SOX5: variants seen among roughly 807,000 people sequenced by gnomAD.
SOX5 encodes transcription factor SOX-5.
In SOX5, 9 loss-of-function variants were observed where a neutral mutation model predicts 92.0. That is an observed-to-expected ratio of 0.10 (90% CI 0.06 to 0.17). SOX5 has a LOEUF of 0.17. Among genes scored for constraint, SOX5 ranks in the 10% least tolerant of loss-of-function variants. The pLI, the probability that SOX5 is intolerant of heterozygous loss-of-function variation, is 1.00. For missense variants in SOX5, 642 were observed against 944.5 expected (o/e 0.68, Z 4.20); for synonymous variants, 344 against 336.3 (o/e 1.02, Z -0.25).
At position 24,103,089 on chromosome 12, in the gene SOX5, G is replaced by A. The variant is rs142811825; in HGVS notation, c.-2+110254C>T. 3.0e-3 allele frequency among the ~76,000 whole-genome samples: 453 copies of A among 152,296 alleles called. 1 individual carries two copies. In the Middle Eastern group the frequency reaches 0.037, roughly 13 times the overall value. On this transcript the variant is annotated intron_variant, in intron 4 of 4. Transcript: ENST00000446891. ...TGAACCCACTGAGAGGCTTCTTTGA[G>A]AATCCATAATAGATACACACTGTTA... is the stretch of plus-strand genomic sequence containing the variant.
chr12:24,357,127 A>G (rs1954931179), intron 2 of SOX5, among the ~76,000 whole-genome samples: 1 of 152,208 alleles, frequency 6.6e-6, no homozygotes, highest in South Asian at 2.1e-4. Context: ...TTTGGTGTGG[A>G]TTACATTTTG....
intron 2 of SOX5, among the ~76,000 whole-genome samples, chr12:23,895,060 G>C (rs542406273): frequency 9.9e-5 from 15 of 152,114 alleles, no homozygotes; most frequent in Non-Finnish European, 1.9e-4. Flanking sequence ...GTGTTTATGT[G>C]TGCTGTTTAA....
At position 24,379,832 on chromosome 12, in the gene SOX5, T is replaced by TAA. The variant is rs35373420; in HGVS notation, c.-250-11195_-250-11194dup. On this transcript the variant is annotated intron_variant, in intron 1 of 4. Transcript: ENST00000446891. ...TCCTCAAATCGGATTTTTACCACTT[T>TAA]AAAAAAAAAAAAGAGTCCTAATTAT... Among the ~76,000 whole-genome samples the TAA allele has an allele frequency of 9.0e-3, 1,261 of 140,704 alleles. 22 individuals are homozygous for TAA. The highest frequency in any genetic ancestry group is 0.019 in the African/African-American group (714 of 37,956). The allele number at this position is 140,704 out of a possible 152,430, so 92.3% of individuals were successfully genotyped here.
At chr12:24,139,722 T>C (rs1170359669) in intron 4 of SOX5, among the ~76,000 whole-genome samples, 2 of 152,186 alleles carry the variant, frequency 1.3e-5, no homozygotes, top group East Asian at 1.9e-4. Flanking sequence ...ATTTAAAAAT[T>C]GGAGCATTTT....
chr12:24,324,085 G>GT (rs1950454846), intron 2 of SOX5, among the ~76,000 whole-genome samples: 1 of 152,152 alleles, frequency 6.6e-6, no homozygotes, highest in Non-Finnish European at 1.5e-5. Flanking sequence ...CTGCTAAGAA[G>GT]TAGAAAGGAA....
chr12:23,771,963 T>C (rs1450979169), intron 3 of SOX5, among the ~76,000 whole-genome samples: 2 of 152,212 alleles, frequency 1.3e-5, no homozygotes, highest in African/African-American at 2.4e-5. Context: ...GGTGCTCATA[T>C]AAATTCATAG....
chr12:23,589,989 AGTATGT>A lies in SOX5; in HGVS notation c.1165-14157_1165-14152del, dbSNP rs149042366. ...AAGTGTGCTTTGATACTATTCAAGG[AGTATGT>A]GTTTGTGCAGTGGGGTGACATACAA... On this transcript the variant is annotated intron_variant, in intron 9 of 14. Transcript: ENST00000451604. 5.7e-3 allele frequency among the ~76,000 whole-genome samples: 865 copies of A among 152,126 alleles called. 4 individuals are homozygous for A. The highest frequency in any genetic ancestry group is 8.2e-3 in the Non-Finnish European group (556 of 67,892).
At chr12:24,495,096 A>C (rs372117263) in intron 1 of SOX5, among the ~76,000 whole-genome samples, 77 of 152,342 alleles carry the variant, frequency 5.1e-4, no homozygotes, top group African/African-American at 1.8e-3. Context: ...TTTTCAATGA[A>C]CCATTGTCAA....
chr12:24,467,713 T>C (rs551740354), intron 1 of SOX5, among the ~76,000 whole-genome samples: 24 of 152,224 alleles, frequency 1.6e-4, no homozygotes, highest in African/African-American at 5.8e-4. Flanking sequence ...GGAAGAGATA[T>C]ATGGTCAGAT....
At chr12:23,888,810 A>C (rs2097098677) in intron 2 of SOX5, among the ~76,000 whole-genome samples, 1 of 152,248 alleles carries the variant, frequency 6.6e-6, no homozygotes, top group African/African-American at 2.4e-5. Context: ...GTTTGTAACA[A>C]TGTAATTTCA....
chr12:23,534,828 G>T (rs1050466910), intron 14 of SOX5, among the ~76,000 whole-genome samples: 1 of 150,444 alleles, frequency 6.6e-6, no homozygotes, highest in African/African-American at 2.4e-5. Context: ...TCCTGCCTCA[G>T]CCCCCCAAGT....
chr12:24,150,193 GT>G (rs1951515398), intron 4 of SOX5, among the ~76,000 whole-genome samples: 1 of 152,160 alleles, frequency 6.6e-6, no homozygotes, highest in East Asian at 1.9e-4. Flanking sequence ...TATATGATTT[GT>G]TTTTCTCCTT....
intron 3 of SOX5, among the ~76,000 whole-genome samples, chr12:23,807,641 C>T (rs1220406278): frequency 9.7e-6 from 1 of 102,656 alleles, no homozygotes; most frequent in Non-Finnish European, 2.3e-5. Context: ...ACAGAAATTC[C>T]ATTTTTTTTT....
intron 4 of SOX5, among the ~76,000 whole-genome samples, chr12:24,182,056 A>G (rs1218733909): frequency 1.3e-5 from 2 of 152,196 alleles, no homozygotes; most frequent in African/African-American, 4.8e-5. Flanking sequence ...AGGTTATAAA[A>G]CACAATAGGT....
intron 3 of SOX5, among the ~76,000 whole-genome samples, chr12:23,770,257 T>C (rs576804932): frequency 3.3e-5 from 5 of 152,098 alleles, no homozygotes; most frequent in Middle Eastern, 3.4e-3. Flanking sequence ...TGATGTATAG[T>C]CAAAGATATT....
chr12:24,360,803 A>C (rs1595914562), intron 2 of SOX5, among the ~76,000 whole-genome samples: 1 of 152,224 alleles, frequency 6.6e-6, no homozygotes, highest in South Asian at 2.1e-4. Flanking sequence ...AACTTGTTAA[A>C]TCACTAATAA....
chr12:24,534,759 C>T (rs1267842240), intron 1 of SOX5, among the ~76,000 whole-genome samples: 2 of 152,146 alleles, frequency 1.3e-5, no homozygotes, highest in African/African-American at 4.8e-5. Flanking sequence ...AAAGCCTCTC[C>T]TAGGAGTGGG....
chr12:23,806,802 T>C (rs1422248056), intron 3 of SOX5, among the ~76,000 whole-genome samples: 2 of 152,116 alleles, frequency 1.3e-5, no homozygotes, highest in Non-Finnish European at 2.9e-5. Context: ...CTCTAAACTT[T>C]TCCAGTCACA....
chr12:24,265,520 G>A (rs1942883107), intron 3 of SOX5, among the ~76,000 whole-genome samples: 1 of 151,966 alleles, frequency 6.6e-6, no homozygotes, highest in Admixed American at 6.6e-5. Flanking sequence ...CTCCAGCCTG[G>A]GCAACAGAGT....
Sources: allele counts gnomAD v4.1 joint callset (sites outside exome capture counted in the v4.1 genomes callset), GRCh38; gene constraint gnomAD v4.1.1; transcripts MANE v1.5; gene names NCBI Gene and HGNC (gene_info 2026-07-23, HGNC 2026-07-21).